Variants in DDX60 observed in about 807,000 individuals in gnomAD.
The protein encoded by DDX60 is probable ATP-dependent RNA helicase DDX60.
In DDX60, 165 loss-of-function variants were observed where a neutral mutation model predicts 212.8. The ratio of observed to expected loss-of-function variants is 0.78; its 90% CI spans 0.68 to 0.88. The LOEUF is 0.88. Among genes scored for constraint, DDX60 ranks in the 40% least tolerant of loss-of-function variants. The probability of loss-of-function intolerance (pLI) is 0.00; values close to 1 mark genes in which losing one functional copy is unlikely to be tolerated. For synonymous variants in DDX60, 703 were observed against 685.3 expected (o/e 1.03, Z -0.40); for missense variants, 1,905 against 2,003.9 (o/e 0.95, Z 0.94).
At chr4:168,319,301 T>C (rs1425347044), upstream of DDX60, among the ~76,000 whole-genome samples, 6 of 152,152 alleles carry the variant, frequency 3.9e-5, no homozygotes, top group Non-Finnish European at 7.4e-5. Flanking sequence ...GCAGAAAAAT[T>C]TGTAACATCT....
intron 22 of DDX60, among the ~76,000 whole-genome samples, chr4:168,265,889 AGG>A (rs1734828054): frequency 8.9e-6 from 1 of 112,706 alleles, no homozygotes; most frequent in Non-Finnish European, 1.9e-5. Flanking sequence ...AGGGAAGGGA[AGG>A]GAAGGGAGAA....
intron 27 of DDX60, 118 bp downstream of exon 27, chr4:168,252,391 G>C: frequency 8.2e-7 from 1 of 1,224,304 alleles, no homozygotes. Context: ...CTTTTGGTAG[G>C]GATTGTATTA....
At chr4:168,292,082 T>C (rs1736137144) in intron 7 of DDX60, among the ~76,000 whole-genome samples, 176 bp from the exon 8 acceptor site, 1 of 148,828 alleles carries the variant, frequency 6.7e-6, no homozygotes, top group Non-Finnish European at 1.5e-5. Context: ...AGAGTTTTGC[T>C]CTTTCACCCA....
At chr4:168,258,438 A>T (rs1560832898) in intron 25 of DDX60, among the ~76,000 whole-genome samples, 4 of 150,368 alleles carry the variant, frequency 2.7e-5, no homozygotes, top group Non-Finnish European at 5.9e-5. Flanking sequence ...TGCTCCATGT[A>T]TTTTTTTTTT....
Position 168,236,391 on chromosome 4 carries a change from T to C in DDX60, c.4412-18A>G, listed in dbSNP as rs1454847. On this transcript the variant is annotated intron_variant, in intron 32 of 37. Transcript: ENST00000393743. Reference sequence around the variant, plus strand: ...TTTTGAGCCTATATAAAACAAAGTGTCTTCTTGTAAATATGAAAGGGTATA... The same window carrying C: ...TTTTGAGCCTATATAAAACAAAGTGCCTTCTTGTAAATATGAAAGGGTATA... 2 of 1,573,794 alleles carry C rather than the reference T, an allele frequency of 1.3e-6. No homozygotes were observed. Among genetic ancestry groups the C allele is most frequent in the Non-Finnish European group, 1.7e-6 (2 of 1,160,388 alleles).
At chr4:168,283,241 G>A (rs904274044) in intron 13 of DDX60, among the ~76,000 whole-genome samples, 17 of 152,072 alleles carry the variant, frequency 1.1e-4, no homozygotes, top group Admixed American at 6.5e-5. Flanking sequence ...ATGTTATTAT[G>A]TATAGAATAT....
intron 37 of DDX60, among the ~76,000 whole-genome samples, chr4:168,217,280 A>T (rs1233570517): frequency 6.6e-6 from 1 of 152,212 alleles, no homozygotes; most frequent in Non-Finnish European, 1.5e-5. Flanking sequence ...CTGAAAAGCC[A>T]TCAAATTCCA....
intron 1 of DDX60, among the ~76,000 whole-genome samples, chr4:168,317,686 A>G (rs1188216391): frequency 6.6e-6 from 1 of 152,144 alleles, no homozygotes; most frequent in East Asian, 1.9e-4. Flanking sequence ...TGATTCGGTT[A>G]TATTATGTAA....
intron 25 of DDX60, among the ~76,000 whole-genome samples, chr4:168,260,411 A>G (rs1734578452): frequency 6.6e-6 from 1 of 152,210 alleles, no homozygotes; most frequent in African/African-American, 2.4e-5. Context: ...TCCCAGAAAT[A>G]GTAATGAACA....
In DDX60 at chr4:168,272,059, T is replaced by TC; in HGVS notation, c.2653_2654insG (p.Tyr885Ter). 2 of 1,582,030 alleles carry TC rather than the reference T, an allele frequency of 1.3e-6. No homozygotes were observed. The highest frequency in any genetic ancestry group is 1.7e-6 in the Non-Finnish European group (2 of 1,161,188). Residue 885 changes from tyrosine to a stop codon, truncating the protein, a stop_gained and frameshift_variant, in exon 19 of 38, where the codon TAT (tyrosine) becomes TGAT (stop). Coordinates refer to ENST00000393743, the MANE Select transcript of DDX60 (RefSeq NM_017631.6). LOFTEE classifies it high-confidence loss of function. ...HRQNWVKKIR[Y>*]VIFDEVHCLG... ...CAAACCTACCTCATCAAATATAACA[T>TC]ATCTGATCTTTTTCACCCAGTTTTG... is the stretch of plus-strand genomic sequence containing the variant.
intron 8 of DDX60, 83 bp from the exon 9 acceptor site, chr4:168,288,398 A>C: frequency 3.1e-6 from 3 of 971,526 alleles, no homozygotes; most frequent in Non-Finnish European, 4.5e-6. Context: ...CTGAACTGAA[A>C]GGCAGTGGGC....
chr4:168,224,717 A>T (rs1367969383), intron 34 of DDX60, among the ~76,000 whole-genome samples: 1 of 152,080 alleles, frequency 6.6e-6, no homozygotes, highest in Non-Finnish European at 1.5e-5. Flanking sequence ...TTCTTACTGA[A>T]CTCAGAATTG....
intron 33 of DDX60, among the ~76,000 whole-genome samples, chr4:168,232,924 C>A (rs994801430): frequency 2.0e-5 from 3 of 151,996 alleles, no homozygotes; most frequent in African/African-American, 7.2e-5. Context: ...AAACAGACAG[C>A]CCACAGAGTG....
intron 15 of DDX60, 93 bp downstream of exon 15, chr4:168,275,922 A>T: frequency 8.0e-7 from 1 of 1,257,182 alleles, no homozygotes; most frequent in African/African-American, 1.5e-5. Flanking sequence ...TAAAAAAAAA[A>T]AAAAAATCTG....
intron 29 of DDX60, among the ~76,000 whole-genome samples, chr4:168,247,583 C>T (rs775236008): frequency 6.6e-6 from 1 of 152,048 alleles, no homozygotes; most frequent in Admixed American, 6.6e-5. Flanking sequence ...GCAGGGAGGT[C>T]GTATGAAGAT....
rs891872938 is a variant in DDX60 at position 168,267,924 on chromosome 4, G to A, written c.2846C>T (p.Thr949Ile). The A allele has an allele frequency of 6.2e-7, 1 of 1,612,912 alleles. No individual in the cohort carries two copies. Among genetic ancestry groups the A allele is most frequent in the Non-Finnish European group, 8.5e-7 (1 of 1,179,222 alleles). ...KQEDKIIENN[T>I]ASKRHVGRQA... ...ACGACCCACATGTCTTTTAGAAGCG[G>A]TATTATTTTCAATTATTTTGTCTTC... The change falls in exon 21 of 38, where the codon ACC becomes ATC. Residue 949 changes from threonine to isoleucine, a missense_variant. By Grantham distance (89) the Thr-to-Ile change is moderately conservative. Coordinates refer to ENST00000393743, the MANE Select transcript of DDX60 (RefSeq NM_017631.6).
chr4:168,264,503 G>C (rs1373240700), intron 22 of DDX60, among the ~76,000 whole-genome samples: 1 of 151,616 alleles, frequency 6.6e-6, no homozygotes, highest in East Asian at 1.9e-4. Context: ...ATAAATCCAA[G>C]ATTTATTATA....
intron 7 of DDX60, among the ~76,000 whole-genome samples, 155 bp from the exon 8 acceptor site, chr4:168,292,061 T>C (rs1736135372): frequency 6.7e-6 from 1 of 149,932 alleles, no homozygotes; most frequent in African/African-American, 2.5e-5. Context: ...TTTTTTTTTT[T>C]TTTTTGAGAC....
Position 168,258,784 on chromosome 4 carries a change from C to G in DDX60, c.3398+2081G>C, listed in dbSNP as rs377371998. ...GAGTTGAAAGCACTAGAAAAAACAG[C>G]AGGGTCAAGAAGATCACTCTGATCT... On this transcript the variant is annotated intron_variant, in intron 25 of 37. Coordinates refer to ENST00000393743, the MANE Select transcript of DDX60 (RefSeq NM_017631.6). Among the ~76,000 whole-genome samples the G allele has an allele frequency of 6.6e-5, 10 of 152,178 alleles. No individual in the cohort carries two copies. The East Asian group carries it at 1.5e-3, about 24-fold the overall frequency.
Sources: gnomAD v4.1 joint callset for allele counts (sites outside exome capture counted in the v4.1 genomes callset) on GRCh38, gnomAD v4.1.1 for gene constraint, MANE v1.5 for transcripts, NCBI Gene and HGNC (gene_info 2026-07-23, HGNC 2026-07-21) for gene names.